The following CUX2 variants were observed in gnomAD, a reference collection of about 807,000 sequenced individuals.
The protein encoded by CUX2 is cut like homeobox 2, also known as homeobox protein cut-like 2.
Under a neutral mutation model 144.8 loss-of-function variants are expected in CUX2, and 40 were observed. The ratio of observed to expected loss-of-function variants is 0.28; its 90% CI spans 0.21 to 0.36. CUX2 has a LOEUF of 0.36. CUX2 is among the 10% of genes least tolerant of loss of function. The pLI, the probability that CUX2 is intolerant of heterozygous loss-of-function variation, is 1.00. For missense variants in CUX2, 1,615 were observed against 1,994.0 expected, an observed-to-expected ratio of 0.81 and a Z score of 3.62; for synonymous variants, 827 against 875.6, an observed-to-expected ratio of 0.94 and a Z score of 0.98.
intron 1 of CUX2, among the ~76,000 whole-genome samples, chr12:111,065,295 T>C (rs1566197139): frequency 6.6e-6 from 1 of 152,272 alleles, no homozygotes; most frequent in Admixed American, 6.5e-5. Context: ...CCAGGGCCGA[T>C]GGGATTTGGC....
rs372473676 is a variant in CUX2 at position 111,347,934 on chromosome 12, A to C, written c.4070A>C (p.Asp1357Ala). 79 of 1,613,866 alleles carry C rather than the reference A, an allele frequency of 4.9e-5. No individual in the cohort carries two copies. The highest frequency in any genetic ancestry group is 6.5e-5 in the Non-Finnish European group (77 of 1,180,000). ...GPLLPGGSTPDCPSLHPQQES... is the reference protein window; with the variant it reads ...GPLLPGGSTPACPSLHPQQES... ...CTCCTTCCAGGTGGATCCACCCCAG[A>C]CTGTCCCTCACTTCATCCCCAACAG... is the stretch of plus-strand genomic sequence containing the variant. The change falls in exon 22 of 22, where the codon GAC (aspartate) becomes GCC (alanine). Residue 1357 changes from aspartate (D) to alanine (A), a missense_variant. By Grantham distance (126) the Asp-to-Ala change is moderately radical. This residue lies in a region of CUX2 where 298 missense variants were observed against 330.4 expected (regional missense o/e 0.90). Transcript: ENST00000261726.
rs1179484216 is a variant in CUX2 at position 111,312,038 on chromosome 12, C to A, written c.1901-62C>A. On this transcript the variant is annotated intron_variant, in intron 15 of 21. Transcript: ENST00000261726. This position sits in a 1 kb window ranked among gnomAD's most constrained non-coding sequence, Gnocchi z 4.3. The stretch of plus-strand genomic sequence containing the variant: ...GGAGGAGACAGCCCCCCTACCCCAC[C>A]AGGCTCCGGAGACTGAGCCCAACAT... 3.4e-6 allele frequency: 5 copies of A among 1,454,542 alleles called. No individual in the cohort carries two copies. In the Admixed American group the frequency reaches 7.6e-5, roughly 22 times the overall value. 90.1% of individuals were successfully genotyped at this position (1,454,542 alleles called of 1,614,324 possible).
chr12:111,167,122 CCTGT>C (rs1324443522), intron 1 of CUX2, among the ~76,000 whole-genome samples: 1 of 152,118 alleles, frequency 6.6e-6, no homozygotes, highest in African/African-American at 2.4e-5. Context: ...CCTCCCTGCC[CCTGT>C]CTGTCTCTGT....
intron 1 of CUX2, among the ~76,000 whole-genome samples, chr12:111,044,636 G>T (rs750500746): frequency 2.6e-5 from 4 of 152,180 alleles, no homozygotes; most frequent in Non-Finnish European, 5.9e-5. Flanking sequence ...ATATTTATTT[G>T]TGTATTTATT....
At chr12:111,070,127 A>T (rs1871195439) in intron 1 of CUX2, among the ~76,000 whole-genome samples, 1 of 152,162 alleles carries the variant, frequency 6.6e-6, no homozygotes, top group South Asian at 2.1e-4. Context: ...GGAGTTTGTA[A>T]GTCTCTGAAC....
At chr12:111,099,363 C>T (rs1873051587) in intron 1 of CUX2, 2 of 356,948 alleles carry the variant, frequency 5.6e-6, no homozygotes, top group South Asian at 4.3e-5. Context: ...ATTTTGGGGT[C>T]TAGGCCTCTG....
At chr12:111,088,045 T>A (rs1257101947) in intron 1 of CUX2, among the ~76,000 whole-genome samples, 1 of 152,120 alleles carries the variant, frequency 6.6e-6, no homozygotes, top group Non-Finnish European at 1.5e-5. Context: ...AAAGACTATT[T>A]CAAAAGGGAT....
Position 111,324,147 on chromosome 12 carries a change from G to A in CUX2, c.2926+1567G>A, listed in dbSNP as rs577510311. ...GGGCGGATCACAAAGTCAGGAGTTC[G>A]AGACCAGTCTGGCCAACATGGTGAA... On this transcript the variant is annotated intron_variant, in intron 18 of 21. Transcript: ENST00000261726. Among the ~76,000 whole-genome samples the A allele has an allele frequency of 5.9e-5, 9 of 152,112 alleles. No individual in the cohort carries two copies. The South Asian group carries it at 8.3e-4, about 14-fold the overall frequency.
chr12:111,243,717 G>A (rs974227635), intron 3 of CUX2, among the ~76,000 whole-genome samples: 5 of 151,872 alleles, frequency 3.3e-5, no homozygotes, highest in Admixed American at 2.0e-4. Context: ...CTTGGCCCTG[G>A]ACTGAGGGGT....
chr12:111,175,668 A>G (rs1878808699), intron 1 of CUX2, among the ~76,000 whole-genome samples: 1 of 152,172 alleles, frequency 6.6e-6, no homozygotes, highest in Non-Finnish European at 1.5e-5. Context: ...CCTCCCTGGC[A>G]ATAAATTGTG....
intron 5 of CUX2, among the ~76,000 whole-genome samples, chr12:111,292,967 A>G (rs1477899729): frequency 6.6e-6 from 1 of 152,110 alleles, no homozygotes; most frequent in Admixed American, 6.6e-5. Context: ...TACTAAACAT[A>G]CAAAAATTAG....
At chr12:111,159,351 C>T (rs1191108145) in intron 1 of CUX2, among the ~76,000 whole-genome samples, 1 of 149,750 alleles carries the variant, frequency 6.7e-6, no homozygotes, top group African/African-American at 2.5e-5. Context: ...GGTCTCACTA[C>T]ATTACCCAGA....
chr12:111,346,389 T>C (rs1217565523), intron 21 of CUX2, among the ~76,000 whole-genome samples: 1 of 148,766 alleles, frequency 6.7e-6, no homozygotes, highest in Non-Finnish European at 1.5e-5. Context: ...GGCAGTAGAA[T>C]AGGTTGAACC....
At chr12:111,075,306 C>A (rs868642798) in intron 1 of CUX2, among the ~76,000 whole-genome samples, 1 of 152,118 alleles carries the variant, frequency 6.6e-6, no homozygotes, top group South Asian at 2.1e-4. Flanking sequence ...GGTCGAGGGG[C>A]CTTTGGAGGA....
rs189263769 is a variant in CUX2 at position 111,277,832 on chromosome 12, G to C, written c.302-13586G>C. Among the ~76,000 whole-genome samples the C allele has an allele frequency of 2.6e-5, 4 of 152,188 alleles. No homozygotes were observed. Among genetic ancestry groups the C allele is most frequent in the Admixed American group, 2.6e-4 (4 of 15,278 alleles). ...TGTAACAAATACCATGAGCTTAGAG[G>C]CTTAAAACAACACACGTTTATGATC... On this transcript the variant is annotated intron_variant, in intron 4 of 21. Coordinates refer to ENST00000261726, the MANE Select transcript of CUX2 (RefSeq NM_015267.4). The surrounding 1 kb of genome is among the most constrained non-coding windows in gnomAD (Gnocchi z 5.0).
Position 111,348,373 on chromosome 12 carries a change from C to G in CUX2, c.*48C>G. 2.0e-6 allele frequency: 3 copies of G among 1,508,132 alleles called. No individual in the cohort carries two copies. Among genetic ancestry groups the G allele is most frequent in the Non-Finnish European group, 2.7e-6 (3 of 1,104,054 alleles). The allele number at this position is 1,508,132 out of a possible 1,614,324, so 93.4% of individuals were successfully genotyped here. On this transcript the variant is annotated 3_prime_UTR_variant, in exon 22 of 22. Coordinates refer to ENST00000261726, the MANE Select transcript of CUX2 (RefSeq NM_015267.4). ...ACATACCCTGGTAACTACCTTCCTT[C>G]TCGCACTTACTCTCCTCAACAGGAT...
At position 111,110,387 on chromosome 12, in the gene CUX2, C is replaced by T. The variant is rs1873867201; in HGVS notation, c.63+76147C>T. Among the ~76,000 whole-genome samples, 4 of 152,196 alleles carry T rather than the reference C, an allele frequency of 2.6e-5. No homozygotes were observed. In the South Asian group the frequency reaches 8.3e-4, roughly 32 times the overall value. ...ACAACAAGAGAGTTCACTGAGGGAC[C>T]TCTTCTTCCCCCAGCAAATCCAGAC... On this transcript the variant is annotated intron_variant, in intron 1 of 21. Transcript: ENST00000261726.
Position 111,035,008 on chromosome 12 carries a change from A to G in CUX2, c.63+768A>G, listed in dbSNP as rs1455027903. On this transcript the variant is annotated intron_variant, in intron 1 of 21. Coordinates refer to ENST00000261726, the MANE Select transcript of CUX2 (RefSeq NM_015267.4). The surrounding 1 kb of genome is among the most constrained non-coding windows in gnomAD (Gnocchi z 6.0). Reference sequence around the variant, plus strand: ...CCATCCCCTTCCCAAGTCTAGATGCAGACGGGCGGTGGAGGTGGGCCCGGG... The same window carrying G: ...CCATCCCCTTCCCAAGTCTAGATGCGGACGGGCGGTGGAGGTGGGCCCGGG... Among the ~76,000 whole-genome samples, 1 of 152,034 alleles carries G rather than the reference A, an allele frequency of 6.6e-6. No homozygotes were observed.
chr12:111,280,943 G>A (rs916686906), intron 4 of CUX2, among the ~76,000 whole-genome samples: 5 of 152,010 alleles, frequency 3.3e-5, no homozygotes, highest in Non-Finnish European at 7.4e-5. Flanking sequence ...AGTGCACCAG[G>A]TCCCACCAAC....
Sources: allele counts gnomAD v4.1 joint callset (sites outside exome capture counted in the v4.1 genomes callset), GRCh38; gene constraint gnomAD v4.1.1; regional missense constraint gnomAD v4.1.1; non-coding constraint Gnocchi (gnomAD v3.1); transcripts MANE v1.5; gene names NCBI Gene and HGNC (gene_info 2026-07-23, HGNC 2026-07-21).